Variants in DCDC2 observed in about 807,000 individuals in gnomAD.
DCDC2 encodes doublecortin domain containing 2.
DCDC2 carries 40 observed loss-of-function variants against 50.2 expected under a neutral mutation model. The observed-to-expected ratio is 0.80, with a 90% confidence interval of 0.62 to 1.04. The LOEUF (loss-of-function observed/expected upper bound fraction) is 1.04. DCDC2 is among the 50% of genes least tolerant of loss of function. The pLI, the probability that DCDC2 is intolerant of heterozygous loss-of-function variation, is 0.00. For missense variants in DCDC2, 570 were observed against 581.9 expected (o/e 0.98, Z 0.21); for synonymous variants, 234 against 210.6 (o/e 1.11, Z -0.96).
intron 4 of DCDC2, among the ~76,000 whole-genome samples, chr6:24,300,682 T>C (rs1338064751): frequency 2.6e-5 from 4 of 152,248 alleles, no homozygotes; most frequent in African/African-American, 9.6e-5. Context: ...ATTTGAGAAC[T>C]ATTTTATCAC....
rs1763396712 is a variant in DCDC2, at chr6:24,278,038, AAC to A, written c.922+9_922+10del. On this transcript the variant is annotated intron_variant, in intron 7 of 9. Transcript: ENST00000378454. The stretch of plus-strand genomic sequence containing the variant: ...TGTATCACAGCCTTAAGATAATAAT[AAC>A]ACACTTACCACTATTTGGAATGGTT... The A allele has an allele frequency of 1.9e-6, 3 of 1,596,360 alleles. No individual in the cohort carries two copies. In the East Asian group the frequency reaches 6.7e-5, roughly 36 times the overall value.
chr6:24,348,625 C>T (rs1760309746), intron 2 of DCDC2, among the ~76,000 whole-genome samples: 1 of 152,142 alleles, frequency 6.6e-6, no homozygotes, highest in East Asian at 1.9e-4. Flanking sequence ...TTAAATAATA[C>T]CCTCTTAATC....
upstream of DCDC2, among the ~76,000 whole-genome samples, chr6:24,361,848 A>G (rs812093): frequency 1 from 152,240 of 152,302 alleles, 76,089 homozygotes; most frequent in Non-Finnish European, 1. Flanking sequence ...GGTATCTCCA[A>G]CCCGGATGTG....
At chr6:24,178,106 A>G (rs1289106705) in intron 9 of DCDC2, among the ~76,000 whole-genome samples, 4 of 152,232 alleles carry the variant, frequency 2.6e-5, no homozygotes, top group Non-Finnish European at 5.9e-5. Flanking sequence ...GGCTAAATGT[A>G]TGAATGGCAG....
intron 2 of DCDC2, among the ~76,000 whole-genome samples, chr6:24,329,348 T>C (rs1240624187): frequency 6.6e-6 from 1 of 152,194 alleles, no homozygotes; most frequent in Non-Finnish European, 1.5e-5. Flanking sequence ...TTCCTGAGTA[T>C]GTAAGTATCA....
chr6:24,226,008 G>A (rs578215063), intron 7 of DCDC2, among the ~76,000 whole-genome samples: 37 of 152,104 alleles, frequency 2.4e-4, no homozygotes, highest in African/African-American at 6.7e-4. Context: ...TCTTGCTTGC[G>A]TCCTTATCAA....
Position 24,290,949 on chromosome 6 carries a change from C to A in DCDC2, c.687G>T (p.Thr229=), listed in dbSNP as rs747533733. 1.9e-6 allele frequency: 3 copies of A among 1,613,578 alleles called. No individual in the cohort carries two copies. Among genetic ancestry groups the A allele is most frequent in the Non-Finnish European group, 8.5e-7 (1 of 1,179,924 alleles). The change falls in exon 5 of 10, where the codon ACG becomes ACT. Residue 229 remains threonine, a synonymous_variant. Transcript: ENST00000378454. ...AGACTTACCCAAAAGGCCTTCTCAT[C>A]GTTGACTTGTCAAAAAGTAACTCAC... ...PYSELLFDKS[T]MRRPFGQKAS... is the part of the protein sequence containing the mutation.
rs1760504957 is a variant in DCDC2, at chr6:24,357,752, T to G, written c.-2A>C. 1 of 1,612,280 alleles carries G rather than the reference T, an allele frequency of 6.2e-7. No homozygotes were observed. Among genetic ancestry groups the G allele is most frequent in the Non-Finnish European group, 8.5e-7 (1 of 1,179,334 alleles). On this transcript the variant is annotated 5_prime_UTR_variant, in exon 1 of 10. Coordinates refer to ENST00000378454, the MANE Select transcript of DCDC2 (RefSeq NM_016356.5). The stretch of plus-strand genomic sequence containing the variant: ...GGACCTGGCGCTGCTGCCGCTCATC[T>G]TCCCCGCTGGCCGCCGCCTCAGCTC...
chr6:24,215,910 T>G (rs925154827), intron 7 of DCDC2, among the ~76,000 whole-genome samples: 1 of 152,160 alleles, frequency 6.6e-6, no homozygotes, highest in Non-Finnish European at 1.5e-5. Context: ...TGCCAGGATG[T>G]GAGAGTTGAG....
chr6:24,200,196 G>T (rs767143387), intron 8 of DCDC2, among the ~76,000 whole-genome samples: 7 of 152,088 alleles, frequency 4.6e-5, no homozygotes, highest in Non-Finnish European at 1.0e-4. Context: ...GTAACCCCAA[G>T]ACACATAATT....
At chr6:24,312,678 G>A (rs905155717) in intron 2 of DCDC2, among the ~76,000 whole-genome samples, 1 of 152,122 alleles carries the variant, frequency 6.6e-6, no homozygotes, top group African/African-American at 2.4e-5. Context: ...GGGCTTATCT[G>A]TCAAGTGTGG....
chr6:24,175,072 G>A (rs913149418), intron 9 of DCDC2, among the ~76,000 whole-genome samples: 1 of 150,602 alleles, frequency 6.6e-6, no homozygotes, highest in Non-Finnish European at 1.5e-5. Context: ...GAAAGGCCCT[G>A]ACTCATTTTG....
chr6:24,341,518 T>TAAA (rs373714754), intron 2 of DCDC2, among the ~76,000 whole-genome samples: 4 of 149,330 alleles, frequency 2.7e-5, no homozygotes, highest in African/African-American at 7.4e-5. Flanking sequence ...TACCTTTTTT[T>TAAA]AAAAAAAAAA....
chr6:24,308,878 C>G (rs1381232736), intron 2 of DCDC2, among the ~76,000 whole-genome samples: 1 of 151,958 alleles, frequency 6.6e-6, no homozygotes, highest in Non-Finnish European at 1.5e-5. Context: ...AAACAAAGAC[C>G]TTTTTTAGAC....
In DCDC2 at chr6:24,304,159, A is replaced by T. The variant is rs78642703; in HGVS notation, c.349-2115T>A. The stretch of plus-strand genomic sequence containing the variant: ...TCTTAGCCCTACACTAACACCTAGC[A>T]TCACATTAAGTGACGCTGACTTTTT... On this transcript the variant is annotated intron_variant, in intron 2 of 9. Transcript: ENST00000378454. Among the ~76,000 whole-genome samples, 1,479 of 152,372 alleles carry T rather than the reference A, an allele frequency of 9.7e-3. 12 individuals carry two copies. The highest frequency in any genetic ancestry group is 0.015 in the Non-Finnish European group (1,008 of 68,034).
intron 7 of DCDC2, among the ~76,000 whole-genome samples, chr6:24,263,227 C>T (rs907787062): frequency 6.6e-5 from 10 of 152,172 alleles, no homozygotes; most frequent in African/African-American, 2.2e-4. Context: ...GATTACAACA[C>T]ACAACACACT....
intron 7 of DCDC2, among the ~76,000 whole-genome samples, chr6:24,218,294 A>C (rs1762023514): frequency 6.6e-6 from 1 of 152,212 alleles, no homozygotes; most frequent in South Asian, 2.1e-4. Context: ...AAGAAGATTC[A>C]AAATAGATCA....
chr6:24,178,572 G>C lies in DCDC2; in HGVS notation c.1084C>G (p.Gln362Glu). The C allele has an allele frequency of 6.2e-7, 1 of 1,613,978 alleles. No homozygotes were observed. Residue 362 changes from glutamine (Q) to glutamate (E), a missense_variant, in exon 9 of 10, where the codon CAG (glutamine) becomes GAG (glutamate). By Grantham distance (29) the Gln-to-Glu change is conservative. Coordinates refer to ENST00000378454, the MANE Select transcript of DCDC2 (RefSeq NM_016356.5). ...DGEKANKDAE[Q>E]KEDFSGMNGD... ...TTCATTCCTGAAAAGTCTTCTTTCT[G>C]TTCTGCATCCTTGTTTGCCTTCTCT...
At chr6:24,267,385 A>G (rs2113810738) in intron 7 of DCDC2, among the ~76,000 whole-genome samples, 1 of 152,368 alleles carries the variant, frequency 6.6e-6, no homozygotes, top group South Asian at 2.1e-4. Flanking sequence ...ATTATGAATT[A>G]TATGCCTGTA....
Sources: allele counts gnomAD v4.1 joint callset (sites outside exome capture counted in the v4.1 genomes callset), GRCh38; gene constraint gnomAD v4.1.1; transcripts MANE v1.5; gene names NCBI Gene and HGNC (gene_info 2026-07-23, HGNC 2026-07-21).